TMEM232: variants seen among roughly 807,000 people sequenced by gnomAD.
TMEM232 encodes the protein transmembrane protein 232.
In TMEM232, 80 loss-of-function variants were observed where a neutral mutation model predicts 78.8. The ratio of observed to expected loss-of-function variants is 1.01; its 90% CI spans 0.85 to 1.22. The LOEUF (loss-of-function observed/expected upper bound fraction) is 1.22. Among genes scored for constraint, TMEM232 ranks in the 50% most tolerant of loss-of-function variants. The pLI is 0.00. For missense variants in TMEM232, 881 were observed against 742.2 expected (o/e 1.19, Z -2.17); for synonymous variants, 297 against 254.3 (o/e 1.17, Z -1.60).
At chr5:110,494,985 G>C (rs1765491847) in intron 12 of TMEM232, among the ~76,000 whole-genome samples, 1 of 151,616 alleles carries the variant, frequency 6.6e-6, no homozygotes, top group Non-Finnish European at 1.5e-5. Context: ...TGGGATAATG[G>C]AATTAGAACT....
intron 2 of TMEM232, among the ~76,000 whole-genome samples, chr5:110,648,957 G>A (rs956617486): frequency 6.6e-6 from 1 of 152,050 alleles, no homozygotes; most frequent in African/African-American, 2.4e-5. Context: ...TCTTTCAGAA[G>A]GTAAACAGTT....
chr5:110,573,878 C>T (rs144535632), intron 10 of TMEM232, among the ~76,000 whole-genome samples: 47 of 152,070 alleles, frequency 3.1e-4, no homozygotes, highest in African/African-American at 1.1e-3. Context: ...AAATACAGAA[C>T]GAATGTATTA....
At chr5:110,436,192 A>T (rs1758415380) in intron 12 of TMEM232, among the ~76,000 whole-genome samples, 1 of 151,734 alleles carries the variant, frequency 6.6e-6, no homozygotes, top group African/African-American at 2.4e-5. Flanking sequence ...TTTGATTTGC[A>T]TTTCTCGGAT....
chr5:110,538,953 T>G (rs1209975818), intron 11 of TMEM232, among the ~76,000 whole-genome samples: 2 of 152,154 alleles, frequency 1.3e-5, no homozygotes, highest in Non-Finnish European at 2.9e-5. Flanking sequence ...ATTTGTCAAT[T>G]TGAGAAACAA....
chr5:110,662,297 T>A (rs1789906681), intron 2 of TMEM232, among the ~76,000 whole-genome samples: 1 of 152,124 alleles, frequency 6.6e-6, no homozygotes, highest in Non-Finnish European at 1.5e-5. Flanking sequence ...ACAATACTGC[T>A]ATGAGAATGC....
intron 12 of TMEM232, among the ~76,000 whole-genome samples, chr5:110,453,000 T>A (rs1251882466): frequency 6.6e-6 from 1 of 152,166 alleles, no homozygotes; most frequent in Non-Finnish European, 1.5e-5. Flanking sequence ...CATAGCTAAT[T>A]CATGAAGCAA....
intron 1 of TMEM232, among the ~76,000 whole-genome samples, chr5:110,722,175 T>C (rs1174130520): frequency 1.3e-5 from 2 of 152,094 alleles, no homozygotes; most frequent in Admixed American, 1.3e-4. Context: ...GAAATCACCT[T>C]TTCCCCTATA....
intron 2 of TMEM232, among the ~76,000 whole-genome samples, chr5:110,403,311 A>G (rs895383675): frequency 4.6e-5 from 7 of 152,060 alleles, no homozygotes; most frequent in African/African-American, 1.7e-4. Flanking sequence ...AATACCCCCA[A>G]TGTGAATGGC....
At chr5:110,445,455 G>A (rs1759542193) in intron 12 of TMEM232, among the ~76,000 whole-genome samples, 1 of 152,006 alleles carries the variant, frequency 6.6e-6, no homozygotes, top group Non-Finnish European at 1.5e-5. Context: ...TTATGTTTAA[G>A]AACAAAATAA....
intron 9 of TMEM232, among the ~76,000 whole-genome samples, chr5:110,605,922 TACAG>T (rs1342080797): frequency 6.6e-6 from 1 of 152,004 alleles, no homozygotes; most frequent in Non-Finnish European, 1.5e-5. Flanking sequence ...TAACCAACAA[TACAG>T]AAATGTTTCA....
intron 2 of TMEM232, among the ~76,000 whole-genome samples, chr5:110,660,019 C>T (rs1053198312): frequency 1.3e-4 from 20 of 151,664 alleles, no homozygotes; most frequent in Non-Finnish European, 1.2e-4. Flanking sequence ...ATAAATAATA[C>T]CCAATAATTT....
intron 11 of TMEM232, among the ~76,000 whole-genome samples, chr5:110,546,200 T>C (rs1318313526): frequency 6.6e-6 from 1 of 152,018 alleles, no homozygotes; most frequent in Non-Finnish European, 1.5e-5. Flanking sequence ...TAAAATGTTA[T>C]CATGGATAAA....
intron 12 of TMEM232, among the ~76,000 whole-genome samples, chr5:110,518,080 T>G (rs1040260808): frequency 6.6e-6 from 1 of 152,022 alleles, no homozygotes; most frequent in East Asian, 1.9e-4. Flanking sequence ...TTATTGCTCT[T>G]ATTTCTCCAT....
chr5:110,721,157 TGTA>T (rs1797557641), intron 1 of TMEM232, among the ~76,000 whole-genome samples: 2 of 152,096 alleles, frequency 1.3e-5, no homozygotes, highest in African/African-American at 2.4e-5. Context: ...TAGGATATAA[TGTA>T]ATGAATAACC....
At chr5:110,500,650 AC>A (rs1387186854) in intron 12 of TMEM232, among the ~76,000 whole-genome samples, 1 of 152,164 alleles carries the variant, frequency 6.6e-6, no homozygotes, top group African/African-American at 2.4e-5. Context: ...GTATATCCAA[AC>A]TAAATGGAAG....
chr5:110,508,164 G>A (rs1767173553), intron 12 of TMEM232, among the ~76,000 whole-genome samples: 1 of 152,076 alleles, frequency 6.6e-6, no homozygotes, highest in Admixed American at 6.6e-5. Context: ...ACAAGACTCA[G>A]GTTAGTGAAC....
intron 12 of TMEM232, among the ~76,000 whole-genome samples, chr5:110,475,655 A>G (rs1451748993): frequency 6.6e-6 from 1 of 151,838 alleles, no homozygotes; most frequent in Non-Finnish European, 1.5e-5. Context: ...CTATAAGTAC[A>G]AGGAGGCCAA....
At chr5:110,617,634 AC>A in intron 8 of TMEM232, among the ~76,000 whole-genome samples, 1 of 152,266 alleles carries the variant, frequency 6.6e-6, no homozygotes, top group East Asian at 1.9e-4. Context: ...TAACATATGT[AC>A]AGGAGGAAAC....
chr5:110,562,155 A>G (rs1238944926), intron 11 of TMEM232, among the ~76,000 whole-genome samples: 1 of 152,154 alleles, frequency 6.6e-6, no homozygotes, highest in East Asian at 1.9e-4. Flanking sequence ...TACCAAACAA[A>G]TAAATTCAAT....
Sources: gnomAD v4.1 joint callset for allele counts (sites outside exome capture counted in the v4.1 genomes callset) on GRCh38, gnomAD v4.1.1 for gene constraint, MANE v1.5 for transcripts, NCBI Gene and HGNC (gene_info 2026-07-23, HGNC 2026-07-21) for gene names.